The following MYO5A variants were observed in gnomAD, a reference collection of about 807,000 sequenced individuals.
MYO5A encodes unconventional myosin-Va.
Under a neutral mutation model 249.7 loss-of-function variants are expected in MYO5A, and 98 were observed. The observed-to-expected ratio is 0.39, with a 90% CI of 0.33 to 0.46. MYO5A has a LOEUF of 0.46. Among genes scored for constraint, MYO5A ranks in the 20% least tolerant of loss-of-function variants. The pLI, the probability that MYO5A is intolerant of heterozygous loss-of-function variation, is 0.98. For missense variants in MYO5A, 1,696 were observed against 2,308.8 expected (o/e 0.73, Z 5.44); for synonymous variants, 778 against 810.6 (o/e 0.96, Z 0.68).
intron 9 of MYO5A, among the ~76,000 whole-genome samples, chr15:52,400,083 T>G (rs1567089934): frequency 6.6e-6 from 1 of 151,484 alleles, no homozygotes; most frequent in Non-Finnish European, 1.5e-5. Flanking sequence ...TGGTCCATTT[T>G]TAATTATTTC....
intron 25 of MYO5A, among the ~76,000 whole-genome samples, chr15:52,357,629 T>A (rs1266572718): frequency 1.3e-5 from 2 of 152,034 alleles, no homozygotes; most frequent in African/African-American, 4.8e-5. Context: ...ACTCGAGGCA[T>A]AAAGAGTGGT....
intron 4 of MYO5A, among the ~76,000 whole-genome samples, chr15:52,416,933 T>C (rs1331682511): frequency 6.6e-6 from 1 of 152,218 alleles, no homozygotes; most frequent in Non-Finnish European, 1.5e-5. Context: ...ACAACTGAGT[T>C]TCTGCTTACA....
In MYO5A at chr15:52,528,858, C is replaced by A; in HGVS notation, c.-52G>T. The stretch of plus-strand genomic sequence containing the variant: ...CGCCTGTGCGGAGGCCGCACCTCGC[C>A]TGGGCGGCCGCCCGAGCGGACTAGG... On this transcript the variant is annotated 5_prime_UTR_variant, in exon 1 of 42. It adds an upstream start codon to the 5' untranslated region. Coordinates refer to ENST00000399233, the MANE Select transcript of MYO5A (RefSeq NM_001382347.1). 1 of 1,429,404 alleles carries A rather than the reference C, an allele frequency of 7.0e-7. No individual in the cohort carries two copies. 88.5% of individuals were successfully genotyped at this position (1,429,404 alleles called of 1,614,324 possible). A position where few individuals can be genotyped will look rare whatever the true frequency, so the allele number is the denominator to read the frequency against.
chr15:52,430,969 T>C (rs1452609921), intron 2 of MYO5A, among the ~76,000 whole-genome samples: 2 of 151,906 alleles, frequency 1.3e-5, no homozygotes, highest in Non-Finnish European at 2.9e-5. Flanking sequence ...CAGTGGCTCA[T>C]GCCTGTAATC....
chr15:52,360,933 G>A (rs1958908847), intron 24 of MYO5A, among the ~76,000 whole-genome samples: 1 of 152,124 alleles, frequency 6.6e-6, no homozygotes, highest in Non-Finnish European at 1.5e-5. Flanking sequence ...GCTTCACAAA[G>A]GCCTCTGAGA....
At chr15:52,363,057 C>T (rs191923463) in intron 24 of MYO5A, among the ~76,000 whole-genome samples, 11 of 152,336 alleles carry the variant, frequency 7.2e-5, no homozygotes, top group Admixed American at 7.2e-4. Context: ...CACTTATTAA[C>T]ATCCCAAATA....
At chr15:52,400,885 T>C (rs2141199863) in intron 9 of MYO5A, among the ~76,000 whole-genome samples, 1 of 152,338 alleles carries the variant, frequency 6.6e-6, no homozygotes, top group South Asian at 2.1e-4. Flanking sequence ...ACCAGATCAA[T>C]ATACTATTAT....
chr15:52,326,003 T>C (rs189547457), intron 36 of MYO5A, among the ~76,000 whole-genome samples: 11 of 152,332 alleles, frequency 7.2e-5, no homozygotes, highest in Non-Finnish European at 1.5e-4. Context: ...CAGTTTTTGA[T>C]TTATTAGAAA....
chr15:52,457,915 A>G (rs1211783049), intron 1 of MYO5A, among the ~76,000 whole-genome samples: 1 of 152,248 alleles, frequency 6.6e-6, no homozygotes, highest in Non-Finnish European at 1.5e-5. Flanking sequence ...ATAGAATACT[A>G]TTCGGCCATA....
chr15:52,351,154 T>G (rs535239150), intron 28 of MYO5A, 100 bp downstream of exon 28: 52 of 883,810 alleles, frequency 5.9e-5, no homozygotes, highest in Admixed American at 3.4e-4. Flanking sequence ...AGATTAAAAA[T>G]GCTCTTAAGT....
chr15:52,460,002 C>T (rs534339107), intron 1 of MYO5A, among the ~76,000 whole-genome samples: 1 of 151,372 alleles, frequency 6.6e-6, no homozygotes, highest in Non-Finnish European at 1.5e-5. Context: ...TCCTCAGTTC[C>T]CAGACGGGGT....
intron 1 of MYO5A, among the ~76,000 whole-genome samples, chr15:52,438,458 G>A (rs2075714030): frequency 6.6e-6 from 1 of 152,128 alleles, no homozygotes; most frequent in Non-Finnish European, 1.5e-5. Flanking sequence ...AATCAAACTG[G>A]ACACAGCCCC....
At chr15:52,374,239 T>C (rs1237607214) in intron 20 of MYO5A, among the ~76,000 whole-genome samples, 2 of 152,262 alleles carry the variant, frequency 1.3e-5, no homozygotes, top group African/African-American at 4.8e-5. Context: ...GTAAGATTAT[T>C]TGTCAAAAAC....
At chr15:52,506,637 C>T (rs1037183354) in intron 1 of MYO5A, among the ~76,000 whole-genome samples, 5 of 151,570 alleles carry the variant, frequency 3.3e-5, no homozygotes, top group African/African-American at 1.2e-4. Context: ...AGGAGTTCAA[C>T]ACCAGCCTGG....
chr15:52,308,464 A>G lies in MYO5A; in HGVS notation c.*5232T>C, dbSNP rs1302079797. The G allele has an allele frequency of 6.6e-6, 1 of 152,224 alleles. No individual in the cohort carries two copies. Among genetic ancestry groups the G allele is most frequent in the East Asian group, 1.9e-4 (1 of 5,194 alleles). 9.4% of individuals were successfully genotyped at this position (152,224 alleles called of 1,614,324 possible). A position where few individuals can be genotyped will look rare whatever the true frequency, so the allele number is the denominator to read the frequency against. On this transcript the variant is annotated 3_prime_UTR_variant, in exon 42 of 42. Coordinates refer to ENST00000399233, the MANE Select transcript of MYO5A (RefSeq NM_001382347.1). Reference sequence around the variant, plus strand: ...AGTTTGAGTTATACCCTTTACCTTTAGTAACAAAAGGTTAGTAGAAAGCAA... The same window carrying G: ...AGTTTGAGTTATACCCTTTACCTTTGGTAACAAAAGGTTAGTAGAAAGCAA...
At chr15:52,495,489 A>G (rs1322095465) in intron 1 of MYO5A, among the ~76,000 whole-genome samples, 2 of 142,760 alleles carry the variant, frequency 1.4e-5, no homozygotes, top group African/African-American at 5.6e-5. Context: ...ACTTCATGAT[A>G]ATCAATGGTT....
At chr15:52,515,670 G>A (rs1217039327) in intron 1 of MYO5A, among the ~76,000 whole-genome samples, 1 of 152,122 alleles carries the variant, frequency 6.6e-6, no homozygotes, top group African/African-American at 2.4e-5. Flanking sequence ...GATGACAATC[G>A]ATTTTGAATA....
intron 8 of MYO5A, among the ~76,000 whole-genome samples, chr15:52,406,973 C>G (rs2043031636): frequency 1.3e-5 from 2 of 152,074 alleles, no homozygotes; most frequent in Admixed American, 6.6e-5. Flanking sequence ...TTACAAGTAG[C>G]CCTCCCCTGA....
At chr15:52,402,788 T>A (rs1214162872) in intron 9 of MYO5A, among the ~76,000 whole-genome samples, 1 of 152,002 alleles carries the variant, frequency 6.6e-6, no homozygotes, top group African/African-American at 2.4e-5. Flanking sequence ...GAGGTTGCAG[T>A]GAGCCAAGAT....
Sources: allele counts gnomAD v4.1 joint callset (sites outside exome capture counted in the v4.1 genomes callset), GRCh38; gene constraint gnomAD v4.1.1; transcripts MANE v1.5; gene names NCBI Gene and HGNC (gene_info 2026-07-23, HGNC 2026-07-21).